The following ZBTB46 variants were observed in gnomAD, a reference collection of about 807,000 sequenced individuals.
The protein encoded by ZBTB46 is zinc finger and BTB domain containing 46.
In ZBTB46, 8 loss-of-function variants were observed where a neutral mutation model predicts 44.1. That is an observed-to-expected ratio of 0.18 (90% CI 0.11 to 0.33). The LOEUF (loss-of-function observed/expected upper bound fraction) is 0.33, where lower values mean the gene tolerates loss of function less well. Among genes scored for constraint, ZBTB46 ranks in the 10% least tolerant of loss-of-function variants. The pLI, the probability that ZBTB46 is intolerant of heterozygous loss-of-function variation, is 1.00. For missense variants in ZBTB46, 651 were observed against 847.7 expected, an observed-to-expected ratio of 0.77 and a Z score of 2.88; for synonymous variants, 409 against 382.3, an observed-to-expected ratio of 1.07 and a Z score of -0.81.
intron 1 of ZBTB46, among the ~76,000 whole-genome samples, chr20:63,817,774 G>A (rs1247998406): frequency 6.6e-6 from 1 of 152,048 alleles, no homozygotes; most frequent in Non-Finnish European, 1.5e-5. Flanking sequence ...ACACCCGCAG[G>A]GGAGACTGTG....
intron 1 of ZBTB46, among the ~76,000 whole-genome samples, chr20:63,826,386 G>A (rs528065129): frequency 6.6e-6 from 1 of 152,196 alleles, no homozygotes; most frequent in Non-Finnish European, 1.5e-5. Context: ...AAACCAAGAG[G>A]AGCCCGGGGG....
chr20:63,757,314 G>A (rs939791822), intron 3 of ZBTB46, among the ~76,000 whole-genome samples: 3 of 152,090 alleles, frequency 2.0e-5, no homozygotes, highest in Admixed American at 1.3e-4. Context: ...GTAGAGACGC[G>A]GTTTCGCCAT....
intron 2 of ZBTB46, among the ~76,000 whole-genome samples, chr20:63,776,998 C>T (rs2092430785): frequency 6.6e-6 from 1 of 151,560 alleles, no homozygotes; most frequent in Non-Finnish European, 1.5e-5. Flanking sequence ...TTCCACCACA[C>T]AATACGGTTC....
intron 3 of ZBTB46, among the ~76,000 whole-genome samples, chr20:63,764,919 T>A (rs2092306203): frequency 6.6e-6 from 1 of 151,286 alleles, no homozygotes; most frequent in Non-Finnish European, 1.5e-5. Context: ...TTTTAAGATT[T>A]TTTTTTGTTT....
At chr20:63,759,086 C>T (rs1177983865) in intron 3 of ZBTB46, among the ~76,000 whole-genome samples, 2 of 152,104 alleles carry the variant, frequency 1.3e-5, no homozygotes, top group Non-Finnish European at 2.9e-5. Flanking sequence ...TAGTATCTCC[C>T]TTCATTTATC....
At chr20:63,801,158 G>C (rs1284538916) in intron 1 of ZBTB46, among the ~76,000 whole-genome samples, 1 of 151,822 alleles carries the variant, frequency 6.6e-6, no homozygotes, top group African/African-American at 2.4e-5. Flanking sequence ...GTGTCTAGCT[G>C]ATCCGGTGGG....
In ZBTB46 at chr20:63,767,429, T is replaced by C. The variant is rs913215989; in HGVS notation, c.1222+8249A>G. ...AGCAGCCGGCAGAGGACTCGAGAAA[T>C]GACCACAGAAAGGCACACACCGGCT... On this transcript the variant is annotated intron_variant, in intron 3 of 4. Coordinates refer to ENST00000245663, the MANE Select transcript of ZBTB46 (RefSeq NM_001369741.1). This position sits in a 1 kb window ranked among gnomAD's most constrained non-coding sequence, Gnocchi z 5.0. Among the ~76,000 whole-genome samples, 2 of 152,026 alleles carry C rather than the reference T, an allele frequency of 1.3e-5. No individual in the cohort carries two copies. The highest frequency in any genetic ancestry group is 4.8e-5 in the African/African-American group (2 of 41,448).
At chr20:63,768,256 A>G (rs1014187275) in intron 3 of ZBTB46, 2 of 556,076 alleles carry the variant, frequency 3.6e-6, no homozygotes, top group African/African-American at 4.1e-5. Context: ...AATTAATTTC[A>G]AAATCCAAAA....
chr20:63,816,951 G>A (rs751752569), intron 1 of ZBTB46, among the ~76,000 whole-genome samples: 17 of 151,822 alleles, frequency 1.1e-4, no homozygotes, highest in Admixed American at 2.6e-4. Flanking sequence ...CTAAAAATAC[G>A]AAACTAGCCG....
At position 63,768,777 on chromosome 20, in the gene ZBTB46, G is replaced by A. The variant is rs183404298; in HGVS notation, c.1222+6901C>T. On this transcript the variant is annotated intron_variant, in intron 3 of 4. Transcript: ENST00000245663. The stretch of plus-strand genomic sequence containing the variant: ...GCGGCTCGGGCTGGGGCAGTGGAAC[G>A]GCTTCCACCAGGGCTCTGTGAGGCT... Among the ~76,000 whole-genome samples the A allele has an allele frequency of 2.2e-4, 33 of 152,124 alleles. No homozygotes were observed. The East Asian group carries it at 5.4e-3, about 25-fold the overall frequency.
At chr20:63,781,636 C>T (rs2092470660) in intron 2 of ZBTB46, among the ~76,000 whole-genome samples, 1 of 151,966 alleles carries the variant, frequency 6.6e-6, no homozygotes, top group Non-Finnish European at 1.5e-5. Flanking sequence ...ACTAAAAATA[C>T]AAAAAATCAG....
chr20:63,765,208 G>A lies in ZBTB46; in HGVS notation c.1222+10470C>T, dbSNP rs937618439. On this transcript the variant is annotated intron_variant, in intron 3 of 4. Coordinates refer to ENST00000245663, the MANE Select transcript of ZBTB46 (RefSeq NM_001369741.1). The stretch of plus-strand genomic sequence containing the variant: ...TCCTCCTCTTTGTTTCTTGCTTCTT[G>A]GGATTTTGCCCCTCAAGTCCCGGCT... Among the ~76,000 whole-genome samples, 20 of 152,048 alleles carry A rather than the reference G, an allele frequency of 1.3e-4. No individual in the cohort carries two copies. In the East Asian group the frequency reaches 1.9e-3, roughly 15 times the overall value.
At position 63,752,992 on chromosome 20, in the gene ZBTB46, G is replaced by T; in HGVS notation, c.1223-131C>A. The stretch of plus-strand genomic sequence containing the variant: ...CTCCCACGGCCACCCACTGGGGGCT[G>T]GTCAGCACTGCGACAGGCCAGGCTC... On this transcript the variant is annotated intron_variant, in intron 3 of 4. Transcript: ENST00000245663. The surrounding 1 kb of genome is among the most constrained non-coding windows in gnomAD (Gnocchi z 5.6). The T allele has an allele frequency of 1.0e-6, 1 of 962,382 alleles. No individual in the cohort carries two copies. The highest frequency in any genetic ancestry group is 1.5e-6 in the Non-Finnish European group (1 of 671,056). The allele number at this position is 962,382 out of a possible 1,614,324, so 59.6% of individuals were successfully genotyped here. A position where few individuals can be genotyped will look rare whatever the true frequency, so the allele number is the denominator to read the frequency against.
intron 1 of ZBTB46, among the ~76,000 whole-genome samples, chr20:63,799,250 G>A (rs2092625921): frequency 6.6e-6 from 1 of 151,700 alleles, no homozygotes; most frequent in South Asian, 2.1e-4. Context: ...ATGTTGCTCA[G>A]GCTGGTCTCG....
intron 1 of ZBTB46, among the ~76,000 whole-genome samples, chr20:63,828,961 T>C (rs2092833849): frequency 1.3e-5 from 2 of 152,248 alleles, no homozygotes; most frequent in Admixed American, 6.5e-5. Context: ...CCAATTTCCC[T>C]TAATTTAAAA....
At chr20:63,783,636 G>T (rs1303382729) in intron 2 of ZBTB46, among the ~76,000 whole-genome samples, 1 of 152,178 alleles carries the variant, frequency 6.6e-6, no homozygotes, top group African/African-American at 2.4e-5. Context: ...ATCTAGAGAA[G>T]GCGCAGCTGA....
At position 63,775,906 on chromosome 20, in the gene ZBTB46, C is replaced by G. The variant is rs146382366; in HGVS notation, c.994G>C (p.Glu332Gln). Residue 332 changes from glutamate (E) to glutamine (Q), a missense_variant, in exon 3 of 5, where the codon GAG (glutamate) becomes CAG (glutamine). Physicochemically the swap from Glu to Gln is conservative, Grantham distance 29 (BLOSUM62 2). Transcript: ENST00000245663. ...SSSDSRGERAELYAQVEEGLL... is the reference protein window; with the variant it reads ...SSSDSRGERAQLYAQVEEGLL... ...CCCTCCTCCACCTGTGCATAGAGCT[C>G]GGCCCTCTCTCCTCGGCTGTCGGAG... The G allele has an allele frequency of 1.2e-6, 2 of 1,605,690 alleles. No homozygotes were observed. The highest frequency in any genetic ancestry group is 1.3e-5 in the African/African-American group (1 of 74,838).
intron 3 of ZBTB46, among the ~76,000 whole-genome samples, chr20:63,754,393 C>T (rs2145775720): frequency 6.6e-6 from 1 of 152,344 alleles, no homozygotes; most frequent in South Asian, 2.1e-4. Flanking sequence ...AAACGCTCCA[C>T]ACATTCTAGG....
chr20:63,798,648 C>T (rs2092620836), intron 1 of ZBTB46, among the ~76,000 whole-genome samples: 1 of 114,372 alleles, frequency 8.7e-6, no homozygotes, highest in Non-Finnish European at 1.7e-5. Context: ...GCACTCCAGC[C>T]TGGCCAACAG....
Sources: gnomAD v4.1 joint callset for allele counts (sites outside exome capture counted in the v4.1 genomes callset) on GRCh38, gnomAD v4.1.1 for gene constraint, Gnocchi (gnomAD v3.1) non-coding constraint, MANE v1.5 for transcripts, NCBI Gene and HGNC (gene_info 2026-07-23, HGNC 2026-07-21) for gene names.